Variants in DCST2 observed in about 807,000 individuals in gnomAD.
DCST2 encodes DC-STAMP domain-containing protein 2.
Under a neutral mutation model 81.8 loss-of-function variants are expected in DCST2, and 64 were observed. The observed-to-expected ratio is 0.78, with a 90% CI of 0.64 to 0.96. The LOEUF (loss-of-function observed/expected upper bound fraction) is 0.96, where lower values mean the gene tolerates loss of function less well. DCST2 is among the 40% of genes least tolerant of loss of function. The pLI, the probability that DCST2 is intolerant of heterozygous loss-of-function variation, is 0.00. For synonymous variants in DCST2, 354 were observed against 402.6 expected (o/e 0.88, Z 1.44); for missense variants, 945 against 1,001.4 (o/e 0.94, Z 0.76).
chr1:155,031,649 T>C lies in DCST2; in HGVS notation c.664A>G (p.Met222Val). 1 of 1,614,036 alleles carries C rather than the reference T, an allele frequency of 6.2e-7. No homozygotes were observed. Among genetic ancestry groups the C allele is most frequent in the South Asian group, 1.1e-5 (1 of 91,078 alleles). ...VFDDAKDSCM[M>V]VIPQAYHLCY... Reference sequence around the variant, plus strand: ...AGGTGGTAGGCTTGTGGTATGACCATCATGCAGCTGTCCTTGGCATCATCG... The same window carrying C: ...AGGTGGTAGGCTTGTGGTATGACCACCATGCAGCTGTCCTTGGCATCATCG... The change falls in exon 4 of 15, where the codon ATG (methionine) becomes GTG (valine). Residue 222 changes from methionine (M) to valine (V), a missense_variant. Transcript: ENST00000368424.
rs368619777 is a variant in DCST2, at chr1:155,032,642, G to A, written c.541+25C>T. Reference sequence around the variant, plus strand: ...AGGACTGGGTGCATTTTGAGTCCCCGGGATAGACATGCTAATGTGCTTACC... The same window carrying A: ...AGGACTGGGTGCATTTTGAGTCCCCAGGATAGACATGCTAATGTGCTTACC... On this transcript the variant is annotated intron_variant, in intron 3 of 14. Coordinates refer to ENST00000368424, the MANE Select transcript of DCST2 (RefSeq NM_144622.3). The A allele has an allele frequency of 1.5e-4, 242 of 1,606,898 alleles. No individual in the cohort carries two copies. The South Asian group carries it at 1.7e-3, about 11-fold the overall frequency.
chr1:155,023,383 C>A lies in DCST2; in HGVS notation c.1945G>T (p.Gly649Trp). ...ACTCACAGCTCCAGGTCCAGGTCCC[C>A]CTGGTAGGAGAGGGGAGATGCACAC... is the stretch of plus-strand genomic sequence containing the variant. ...SVCASPLSYQ[G>W]DLDLELDSSD... Residue 649 changes from glycine (G) to tryptophan (W), a missense_variant, in exon 13 of 15, where the codon GGG (glycine) becomes TGG (tryptophan). Gly to Trp is a radical substitution (Grantham distance 184). Transcript: ENST00000368424. 6.2e-7 allele frequency: 1 copy of A among 1,608,700 alleles called. No homozygotes were observed.
Position 155,026,369 on chromosome 1 carries a change from A to C in DCST2, c.1544T>G (p.Leu515Arg), listed in dbSNP as rs1224186386. The C allele has an allele frequency of 1.2e-6, 2 of 1,613,854 alleles. No individual in the cohort carries two copies. Among genetic ancestry groups the C allele is most frequent in the Non-Finnish European group, 8.5e-7 (1 of 1,180,032 alleles). ...CAGCCGGCTGACATAGCTGCCAAAC[A>C]GGGTGATGAAGAAGCATAGGCCATA... ...VMYGLCFFIT[L>R]FGSYVSRLRR... The change falls in exon 10 of 15, where the codon CTG becomes CGG. Residue 515 changes from leucine to arginine, a missense_variant. Physicochemically the swap from Leu to Arg is moderately radical, Grantham distance 102. Transcript: ENST00000368424.
At chr1:155,029,109 T>G (rs1659994705) in intron 8 of DCST2, 124 bp downstream of exon 8, 1 of 1,178,026 alleles carries the variant, frequency 8.5e-7, no homozygotes. Context: ...CATGGGGACA[T>G]TCAGGCAGTC....
Position 155,024,494 on chromosome 1 carries a change from C to A in DCST2, c.1720G>T (p.Ala574Ser). Reference protein sequence around the residue: ...RRAADQGHRSAFLVLASRCPC... With the variant: ...RRAADQGHRSSFLVLASRCPC... ...CACCGACTGGCCAGCACTAGGAAGG[C>A]ACTTCTGTGGCCCTGGTCAGCCGCC... The change falls in exon 11 of 15, where the codon GCC becomes TCC. Residue 574 changes from alanine to serine, a missense_variant. Coordinates refer to ENST00000368424, the MANE Select transcript of DCST2 (RefSeq NM_144622.3). 2 of 1,606,842 alleles carry A rather than the reference C, an allele frequency of 1.2e-6. No homozygotes were observed. Among genetic ancestry groups the A allele is most frequent in the South Asian group, 1.1e-5 (1 of 89,010 alleles).
At chr1:155,018,900 G>T (rs1023063355) in intron 14 of DCST2, 140 bp from the exon 15 acceptor site, 2 of 827,320 alleles carry the variant, frequency 2.4e-6, no homozygotes, top group African/African-American at 3.4e-5. Context: ...GGCCCACGAG[G>T]CGTACCAGCC....
chr1:155,033,404 C>T (rs776449165), intron 1 of DCST2, 30 bp downstream of exon 1: 2 of 1,606,594 alleles, frequency 1.2e-6, no homozygotes, highest in African/African-American at 1.3e-5. Flanking sequence ...GCCCCAGGAC[C>T]TGCCCCCTAG....
intron 11 of DCST2, among the ~76,000 whole-genome samples, 162 bp downstream of exon 11, chr1:155,024,310 T>TA (rs796375141): frequency 2.0e-5 from 3 of 151,850 alleles, no homozygotes; most frequent in Admixed American, 6.6e-5. Flanking sequence ...AATAATAAAT[T>TA]AAAAAAAAGA....
Position 155,030,425 on chromosome 1 carries a change from C to G in DCST2, c.1019+7G>C, listed in dbSNP as rs769167047. 6.2e-7 allele frequency: 1 copy of G among 1,612,534 alleles called. No individual in the cohort carries two copies. The highest frequency in any genetic ancestry group is 1.3e-5 in the African/African-American group (1 of 74,846). ...TGCATCCCCCACGCTGCCCGGCAGCCCCTCACTGGAGGTAGAGAAGCACAA... is the reference window on the plus strand; with the variant it reads ...TGCATCCCCCACGCTGCCCGGCAGCGCCTCACTGGAGGTAGAGAAGCACAA... On this transcript the variant is annotated splice_region_variant and intron_variant, in intron 6 of 14. Transcript: ENST00000368424.
intron 7 of DCST2, among the ~76,000 whole-genome samples, chr1:155,029,747 A>G (rs1208445470): frequency 1.3e-5 from 2 of 151,908 alleles, no homozygotes; most frequent in South Asian, 4.2e-4. Flanking sequence ...CACCCCGGGG[A>G]AGCCCTCCCA....
chr1:155,027,554 C>CTTTTTTTTTTTTT (rs779621299), intron 8 of DCST2, among the ~76,000 whole-genome samples: 6 of 64,018 alleles, frequency 9.4e-5, no homozygotes, highest in African/African-American at 2.0e-4. Flanking sequence ...TTTTTTACTT[C>CTTTTTTTTTTTTT]TTTTTTTTTT....
intron 10 of DCST2, 61 bp downstream of exon 10, chr1:155,026,240 AG>A: frequency 6.4e-7 from 1 of 1,555,136 alleles, no homozygotes; most frequent in Non-Finnish European, 8.8e-7. Context: ...CAAAAAAGCC[AG>A]CCACTAGCTA....
intron 11 of DCST2, among the ~76,000 whole-genome samples, chr1:155,024,236 A>C (rs925788808): frequency 5.3e-5 from 8 of 152,234 alleles, no homozygotes; most frequent in African/African-American, 1.9e-4. Flanking sequence ...CCAGCATGGC[A>C]CATGTATACA....
At position 155,030,526 on chromosome 1, in the gene DCST2, G is replaced by A. The variant is rs769262833; in HGVS notation, c.925C>T (p.His309Tyr). Residue 309 changes from histidine (H) to tyrosine (Y), a missense_variant, in exon 6 of 15, where the codon CAC (histidine) becomes TAC (tyrosine). His to Tyr is a moderately conservative substitution (Grantham distance 83). Coordinates refer to ENST00000368424, the MANE Select transcript of DCST2 (RefSeq NM_144622.3). ...TGCAGCTTCATGCTGACAGCCTCGT[G>A]GAGGTCCATGGCTACCTGGGACAGG... is the stretch of plus-strand genomic sequence containing the variant. ...RSLSQVAMDLHEAVSMKLHRV... is the reference protein window; with the variant it reads ...RSLSQVAMDLYEAVSMKLHRV... The A allele has an allele frequency of 6.2e-7, 1 of 1,614,156 alleles. No individual in the cohort carries two copies. The highest frequency in any genetic ancestry group is 8.5e-7 in the Non-Finnish European group (1 of 1,180,036).
chr1:155,021,681 G>A (rs1446599156), intron 14 of DCST2, among the ~76,000 whole-genome samples: 3 of 151,856 alleles, frequency 2.0e-5, no homozygotes, highest in African/African-American at 4.8e-5. Flanking sequence ...TGGGCCAGTC[G>A]TCTTTCCCCA....
In DCST2 at chr1:155,023,471, T is replaced by C. The variant is rs1398705494; in HGVS notation, c.1871-14A>G. 3.8e-6 allele frequency: 6 copies of C among 1,577,402 alleles called. No individual in the cohort carries two copies. In the African/African-American group the frequency reaches 5.4e-5, roughly 14 times the overall value. On this transcript the variant is annotated splice_polypyrimidine_tract_variant and intron_variant, in intron 12 of 14. Transcript: ENST00000368424. Reference sequence around the variant, plus strand: ...GGCAGTAGAGACCTGGTGGAGGCCATGGGGAATGGAGGTGAACCCGAGTTC... The same window carrying C: ...GGCAGTAGAGACCTGGTGGAGGCCACGGGGAATGGAGGTGAACCCGAGTTC...
chr1:155,024,922 G>A (rs945219968), intron 10 of DCST2, among the ~76,000 whole-genome samples: 4 of 152,174 alleles, frequency 2.6e-5, no homozygotes, highest in African/African-American at 9.7e-5. Context: ...GCCGAGGCGG[G>A]TGGATCACCT....
chr1:155,030,570 T>G lies in DCST2; in HGVS notation c.881A>C (p.Asp294Ala), dbSNP rs751560220. Residue 294 changes from aspartate to alanine, a missense_variant, in exon 6 of 15, where the codon GAT becomes GCT. Transcript: ENST00000368424. ...GGACAGGCTCCGAGAGGCATTGAGATCCACAGAGAAGTGGTGGGTGGCTGT... is the reference window on the plus strand; with the variant it reads ...GGACAGGCTCCGAGAGGCATTGAGAGCCACAGAGAAGTGGTGGGTGGCTGT... ...NMTATHHFSV[D>A]LNASRSLSQV... 3.7e-6 allele frequency: 6 copies of G among 1,614,016 alleles called. No homozygotes were observed. In the South Asian group the frequency reaches 6.6e-5, roughly 18 times the overall value.
chr1:155,023,070 G>A (rs1558097796), intron 14 of DCST2, 47 bp downstream of exon 14: 7 of 1,594,860 alleles, frequency 4.4e-6, no homozygotes, highest in Non-Finnish European at 5.1e-6. Context: ...AACAGAACAT[G>A]CTTAGGACTC....
Sources: gnomAD v4.1 joint callset for allele counts (sites outside exome capture counted in the v4.1 genomes callset) on GRCh38, gnomAD v4.1.1 for gene constraint, MANE v1.5 for transcripts, NCBI Gene and HGNC (gene_info 2026-07-23, HGNC 2026-07-21) for gene names.